BACH2: variants seen among roughly 807,000 people sequenced by gnomAD.
BACH2 encodes BACH transcriptional regulator 2.
In BACH2, 5 loss-of-function variants were observed where a neutral mutation model predicts 61.8. The ratio of observed to expected loss-of-function variants is 0.08; its 90% CI spans 0.04 to 0.17. BACH2 has a LOEUF of 0.17. Ranked by LOEUF, BACH2 falls within the 10% of genes least tolerant of loss-of-function variation. BACH2 has a pLI of 1.00. For synonymous variants in BACH2, 446 were observed against 440.1 expected (o/e 1.01, Z -0.17); for missense variants, 824 against 1,091.1 (o/e 0.76, Z 3.45).
At chr6:90,062,806 A>T in intron 5 of BACH2, 2 of 518,598 alleles carry the variant, frequency 3.9e-6, no homozygotes, top group Non-Finnish European at 4.9e-6. Context: ...TTGACAAACT[A>T]CTCAAACAAA....
chr6:90,159,468 C>T (rs1401152667), intron 4 of BACH2, among the ~76,000 whole-genome samples: 1 of 152,174 alleles, frequency 6.6e-6, no homozygotes, highest in Non-Finnish European at 1.5e-5. Context: ...TATACGCAGA[C>T]CTCATAGACT....
intron 1 of BACH2, among the ~76,000 whole-genome samples, chr6:90,277,708 T>G (rs1771739102): frequency 6.6e-6 from 1 of 152,256 alleles, no homozygotes; most frequent in East Asian, 1.9e-4. Context: ...TGAAAACTAG[T>G]GTGTTTCACA....
Position 90,054,353 on chromosome 6 carries a change from G to A in BACH2, c.-13+34608C>T, listed in dbSNP as rs773853687. 1.1e-4 allele frequency among the ~76,000 whole-genome samples: 16 copies of A among 152,306 alleles called. No homozygotes were observed. In the South Asian group the frequency reaches 1.4e-3, roughly 14 times the overall value. Reference sequence around the variant, plus strand: ...GTGGCTCAGAGGGTCCTACGCCCATGGAGTCTCACTCACCGCTAGCACAGC... The same window carrying A: ...GTGGCTCAGAGGGTCCTACGCCCATAGAGTCTCACTCACCGCTAGCACAGC... On this transcript the variant is annotated intron_variant, in intron 5 of 8. Transcript: ENST00000257749.
At chr6:90,243,889 G>A (rs1450218411) in intron 3 of BACH2, among the ~76,000 whole-genome samples, 6 of 152,138 alleles carry the variant, frequency 3.9e-5, no homozygotes, top group Non-Finnish European at 7.4e-5. Context: ...CTCAATTGAG[G>A]AGCAATAAAC....
intron 4 of BACH2, among the ~76,000 whole-genome samples, chr6:90,198,776 G>A (rs1285487295): frequency 6.6e-6 from 1 of 152,130 alleles, no homozygotes; most frequent in African/African-American, 2.4e-5. Flanking sequence ...CATAAGCCCT[G>A]GAACATGAAG....
intron 5 of BACH2, among the ~76,000 whole-genome samples, chr6:90,016,710 T>C (rs1450138107): frequency 1.3e-5 from 2 of 152,246 alleles, no homozygotes; most frequent in Non-Finnish European, 2.9e-5. Flanking sequence ...AGTGCAGGTA[T>C]ACTAGTGATA....
At chr6:90,012,367 C>G (rs953334730) in intron 5 of BACH2, among the ~76,000 whole-genome samples, 1 of 151,940 alleles carries the variant, frequency 6.6e-6, no homozygotes, top group Non-Finnish European at 1.5e-5. Context: ...TGGTGGCTTA[C>G]GCCTGTAATC....
chr6:90,194,903 C>T (rs1182903161), intron 4 of BACH2, among the ~76,000 whole-genome samples: 10 of 152,250 alleles, frequency 6.6e-5, no homozygotes, highest in African/African-American at 2.2e-4. Context: ...TTTAACTTTG[C>T]TTTGTTTCGA....
chr6:90,096,138 T>C (rs906966866), intron 4 of BACH2, among the ~76,000 whole-genome samples: 3 of 152,224 alleles, frequency 2.0e-5, no homozygotes, highest in African/African-American at 7.2e-5. Context: ...AATTTAACTA[T>C]TTGTATGAAG....
rs754280254 is a variant in BACH2 at position 89,932,470 on chromosome 6, A to T, written c.2464T>A (p.Phe822Ile). The change falls in exon 9 of 9, where the codon TTC becomes ATC. Residue 822 changes from phenylalanine to isoleucine, a missense_variant. By Grantham distance (21) the Phe-to-Ile change is conservative. Around this residue, in one of 8 missense-constraint regions of BACH2, gnomAD observed 135 missense variants for 142.7 expected, o/e 0.95. Transcript: ENST00000257749. ...EPRSQTVTVD[F>I]CQEMTDKCTT... ...CACTTATCAGTCATTTCCTGGCAGA[A>T]GTCCACGGTCACTGTTTGGCTCCTG... 1 of 1,614,076 alleles carries T rather than the reference A, an allele frequency of 6.2e-7. No individual in the cohort carries two copies. Among genetic ancestry groups the T allele is most frequent in the Non-Finnish European group, 8.5e-7 (1 of 1,180,014 alleles).
intron 5 of BACH2, among the ~76,000 whole-genome samples, chr6:90,053,389 C>T (rs1204047606): frequency 1.3e-5 from 2 of 152,114 alleles, no homozygotes; most frequent in South Asian, 4.1e-4. Flanking sequence ...TAGTGATTCT[C>T]CCGCCTCAGC....
intron 5 of BACH2, among the ~76,000 whole-genome samples, chr6:90,028,452 C>T (rs1191386003): frequency 6.6e-6 from 1 of 152,202 alleles, no homozygotes; most frequent in African/African-American, 2.4e-5. Flanking sequence ...TCTCTCTCTG[C>T]TACCTTTTGC....
At chr6:89,978,633 TAAAAA>T (rs753724278) in intron 6 of BACH2, among the ~76,000 whole-genome samples, 6 of 86,056 alleles carry the variant, frequency 7.0e-5, no homozygotes, top group Admixed American at 1.4e-4. Context: ...GTGTTGGCTT[TAAAAA>T]AAAAAAAAAA....
chr6:90,183,707 A>G (rs1471160241), intron 4 of BACH2, among the ~76,000 whole-genome samples: 2 of 152,154 alleles, frequency 1.3e-5, no homozygotes, highest in Non-Finnish European at 2.9e-5. Context: ...TTCCTGATCT[A>G]CTCCCCAGGC....
At chr6:90,100,882 G>A (rs775192876) in intron 4 of BACH2, among the ~76,000 whole-genome samples, 10 of 152,018 alleles carry the variant, frequency 6.6e-5, no homozygotes, top group Admixed American at 3.9e-4. Context: ...AATGTATAAG[G>A]GTTCCAATTT....
intron 4 of BACH2, among the ~76,000 whole-genome samples, chr6:90,105,858 G>C (rs1782880340): frequency 6.6e-6 from 1 of 152,050 alleles, no homozygotes; most frequent in Non-Finnish European, 1.5e-5. Flanking sequence ...TAAAATTTGG[G>C]GTTCTAAGCT....
chr6:90,056,233 C>T (rs553092236), intron 5 of BACH2, among the ~76,000 whole-genome samples: 2,063 of 152,250 alleles, frequency 0.014, 22 homozygotes, highest in Middle Eastern at 0.051. Context: ...ACCCATCTCA[C>T]GTGCAGAGAC....
At chr6:89,964,784 ACTCC>A (rs144543091) in intron 6 of BACH2, among the ~76,000 whole-genome samples, 28,310 of 151,946 alleles carry the variant, frequency 0.19, 3,409 homozygotes, top group Middle Eastern at 0.31. Context: ...GGACCCATAA[ACTCC>A]TACAATATCA....
At chr6:90,152,404 A>G (rs1461551962) in intron 4 of BACH2, among the ~76,000 whole-genome samples, 8 of 152,232 alleles carry the variant, frequency 5.3e-5, no homozygotes, top group Admixed American at 5.2e-4. Flanking sequence ...TGCCAACTGC[A>G]TATTTTAGTA....
Sources: gnomAD v4.1 joint callset for allele counts (sites outside exome capture counted in the v4.1 genomes callset) on GRCh38, gnomAD v4.1.1 for gene constraint, gnomAD v4.1.1 regional missense constraint, MANE v1.5 for transcripts, NCBI Gene and HGNC (gene_info 2026-07-23, HGNC 2026-07-21) for gene names.